DACH1: variants seen among roughly 807,000 people sequenced by gnomAD.
DACH1 encodes the protein dachshund family transcription factor 1, also known as dachshund homolog 1.
A neutral mutation model predicts 54.2 loss-of-function variants in DACH1; 12 were observed. The ratio of observed to expected loss-of-function variants is 0.22; its 90% CI spans 0.14 to 0.36. The LOEUF (loss-of-function observed/expected upper bound fraction) is 0.36. Ranked by LOEUF, DACH1 falls within the 10% of genes least tolerant of loss-of-function variation. The pLI is 1.00. For missense variants in DACH1, 805 were observed against 929.8 expected, an observed-to-expected ratio of 0.87 and a Z score of 1.75; for synonymous variants, 386 against 366.2, an observed-to-expected ratio of 1.05 and a Z score of -0.62.
chr13:71,602,595 A>G (rs543741487), intron 3 of DACH1, among the ~76,000 whole-genome samples: 8 of 152,134 alleles, frequency 5.3e-5, no homozygotes, highest in Admixed American at 5.2e-4. Flanking sequence ...AAGACAGAGC[A>G]GATGTTACTT....
intron 10 of DACH1, among the ~76,000 whole-genome samples, chr13:71,470,688 G>A (rs1248532642): frequency 6.6e-6 from 1 of 152,096 alleles, no homozygotes; most frequent in Non-Finnish European, 1.5e-5. Flanking sequence ...ACCAAAGTCT[G>A]AGAAATGTCA....
Position 71,596,378 on chromosome 13 carries a change from T to C in DACH1, c.1127-23366A>G, listed in dbSNP as rs571522578. Among the ~76,000 whole-genome samples, 10 of 152,166 alleles carry C rather than the reference T, an allele frequency of 6.6e-5. 1 individual carries two copies. In the South Asian group the frequency reaches 1.0e-3, roughly 16 times the overall value. ...CATGATTCTGCCCTCAAAGCGCTAATAGCCTACTGGAGAGGAAAAGATACC... is the reference window on the plus strand; with the variant it reads ...CATGATTCTGCCCTCAAAGCGCTAACAGCCTACTGGAGAGGAAAAGATACC... On this transcript the variant is annotated intron_variant, in intron 3 of 10. Coordinates refer to ENST00000613252, the MANE Select transcript of DACH1 (RefSeq NM_080759.6).
At chr13:71,567,042 T>C (rs1054877710) in intron 4 of DACH1, among the ~76,000 whole-genome samples, 6 of 152,128 alleles carry the variant, frequency 3.9e-5, no homozygotes, top group Non-Finnish European at 8.8e-5. Context: ...CCTAATACAG[T>C]ATTTTAAGAA....
chr13:71,744,646 A>G (rs998744785), intron 1 of DACH1, among the ~76,000 whole-genome samples: 1 of 152,320 alleles, frequency 6.6e-6, no homozygotes, highest in Non-Finnish European at 1.5e-5. Flanking sequence ...ATGCAATCAC[A>G]TATTTAACAA....
At chr13:71,675,609 G>A (rs1178797340) in intron 2 of DACH1, 3 of 612,298 alleles carry the variant, frequency 4.9e-6, no homozygotes, top group Non-Finnish European at 5.7e-6. Flanking sequence ...CTATGATTGC[G>A]AGTGGAAAAA....
chr13:71,736,157 A>T (rs1268914413), intron 1 of DACH1, among the ~76,000 whole-genome samples: 1 of 152,196 alleles, frequency 6.6e-6, no homozygotes, highest in African/African-American at 2.4e-5. Flanking sequence ...ACCAGAGTCT[A>T]TGAAAATAGC....
At chr13:71,491,067 A>T (rs890459335) in intron 6 of DACH1, among the ~76,000 whole-genome samples, 1 of 152,140 alleles carries the variant, frequency 6.6e-6, no homozygotes, top group Non-Finnish European at 1.5e-5. Flanking sequence ...TCATCCCCAT[A>T]ATTATTTGAT....
At chr13:71,800,088 C>A (rs1482581414) in intron 1 of DACH1, among the ~76,000 whole-genome samples, 4 of 152,206 alleles carry the variant, frequency 2.6e-5, no homozygotes, top group Non-Finnish European at 4.4e-5. Context: ...GACACACAGG[C>A]TAGCCTCAAG....
chr13:71,844,995 A>T (rs1029565806), intron 1 of DACH1, among the ~76,000 whole-genome samples: 1 of 152,164 alleles, frequency 6.6e-6, no homozygotes, highest in Non-Finnish European at 1.5e-5. Flanking sequence ...GAGATTTGTT[A>T]AACAACACAA....
At chr13:71,762,952 T>G (rs552844122) in intron 1 of DACH1, among the ~76,000 whole-genome samples, 1 of 152,204 alleles carries the variant, frequency 6.6e-6, no homozygotes, top group East Asian at 1.9e-4. Context: ...ATCACTGGCA[T>G]ATAAAACGGC....
intron 1 of DACH1, among the ~76,000 whole-genome samples, chr13:71,784,635 G>A (rs964368250): frequency 3.9e-5 from 6 of 152,008 alleles, no homozygotes; most frequent in African/African-American, 1.4e-4. Context: ...TCTCTTAGAA[G>A]TCCACTGCCC....
intron 1 of DACH1, among the ~76,000 whole-genome samples, chr13:71,732,799 T>C (rs1350475284): frequency 6.6e-6 from 1 of 152,166 alleles, no homozygotes; most frequent in Non-Finnish European, 1.5e-5. Context: ...TGGCAAAGCC[T>C]ACAGATATTT....
intron 1 of DACH1, among the ~76,000 whole-genome samples, chr13:71,852,915 G>T (rs1245696491): frequency 7.9e-5 from 12 of 152,092 alleles, no homozygotes. Context: ...ATCCTAATTA[G>T]ACAATCTGGG....
intron 6 of DACH1, among the ~76,000 whole-genome samples, chr13:71,513,382 T>G (rs1880926570): frequency 6.6e-6 from 1 of 152,032 alleles, no homozygotes; most frequent in African/African-American, 2.4e-5. Context: ...TGCCATTTGC[T>G]TAATTTCATC....
chr13:71,622,056 C>T (rs1441546771), intron 3 of DACH1, among the ~76,000 whole-genome samples: 4 of 147,194 alleles, frequency 2.7e-5, no homozygotes, highest in African/African-American at 1.1e-4. Flanking sequence ...ACTATGTGTG[C>T]TACATTATTT....
intron 1 of DACH1, among the ~76,000 whole-genome samples, chr13:71,688,522 T>C (rs930035927): frequency 2.9e-4 from 44 of 152,224 alleles, no homozygotes; most frequent in African/African-American, 9.2e-4. Flanking sequence ...CATTCTCACG[T>C]TCCACATTTG....
rs144682799 is a variant in DACH1, at chr13:71,693,632, G to A, written c.849-11722C>T. On this transcript the variant is annotated intron_variant, in intron 1 of 10. Coordinates refer to ENST00000613252, the MANE Select transcript of DACH1 (RefSeq NM_080759.6). Reference sequence around the variant, plus strand: ...CGCGCCCGGCCTGGTTTTGCTTTTCGAGTTCAGTTACCAGTGGTCAACTGC... The same window carrying A: ...CGCGCCCGGCCTGGTTTTGCTTTTCAAGTTCAGTTACCAGTGGTCAACTGC... Among the ~76,000 whole-genome samples, 395 of 151,986 alleles carry A rather than the reference G, an allele frequency of 2.6e-3. 3 individuals carry two copies. Among genetic ancestry groups the A allele is most frequent in the African/African-American group, 9.1e-3 (376 of 41,472 alleles).
intron 1 of DACH1, among the ~76,000 whole-genome samples, chr13:71,805,665 G>A (rs745630660): frequency 2.0e-5 from 3 of 152,078 alleles, no homozygotes; most frequent in Middle Eastern, 3.2e-3. Context: ...CTGGTTTACC[G>A]TTAGAGTCTT....
intron 1 of DACH1, among the ~76,000 whole-genome samples, chr13:71,797,797 T>C (rs552978768): frequency 2.0e-5 from 3 of 152,066 alleles, no homozygotes; most frequent in Non-Finnish European, 4.4e-5. Flanking sequence ...TTTTACCGAG[T>C]CATGAAATTT....
Sources: allele counts gnomAD v4.1 joint callset (sites outside exome capture counted in the v4.1 genomes callset), GRCh38; gene constraint gnomAD v4.1.1; transcripts MANE v1.5; gene names NCBI Gene and HGNC (gene_info 2026-07-23, HGNC 2026-07-21).